Variants in TMEM269 observed in about 807,000 individuals in gnomAD.
TMEM269 encodes the protein transmembrane protein 269.
A neutral mutation model predicts 15.8 loss-of-function variants in TMEM269; 12 were observed. The ratio of observed to expected loss-of-function variants is 0.76; its 90% CI spans 0.49 to 1.23. The LOEUF is 1.23. Among genes scored for constraint, TMEM269 ranks in the 50% most tolerant of loss-of-function variants. The pLI, the probability that TMEM269 is intolerant of heterozygous loss-of-function variation, is 0.00. For synonymous variants in TMEM269, 93 were observed against 99.3 expected (o/e 0.94, Z 0.38); for missense variants, 211 against 245.4 (o/e 0.86, Z 0.94).
rs1474840457 is a variant in TMEM269, at chr1:42,789,827, C to G, written c.-67C>G. 1 of 1,549,372 alleles carries G rather than the reference C, an allele frequency of 6.5e-7. No homozygotes were observed. The highest frequency in any genetic ancestry group is 2.0e-5 in the Admixed American group (1 of 51,006). On this transcript the variant is annotated 5_prime_UTR_variant, in exon 2 of 6. Transcript: ENST00000637012. ...GTACCAGTTTCTTCCTGAGCCATGA[C>G]CAGAGCCATTCCCAGATAAATGAGG...
At chr1:42,791,142 C>T (rs994925046) in intron 2 of TMEM269, among the ~76,000 whole-genome samples, 3 of 152,208 alleles carry the variant, frequency 2.0e-5, no homozygotes, top group African/African-American at 7.2e-5. Flanking sequence ...AGTCTACTAT[C>T]AAGGTTGGAG....
At position 42,798,132 on chromosome 1, in the gene TMEM269, G is replaced by C; in HGVS notation, c.519G>C (p.Leu173=). Residue 173 remains leucine, a synonymous_variant, in exon 6 of 6, where the codon CTG becomes CTC. Coordinates refer to ENST00000637012, the MANE Select transcript of TMEM269 (RefSeq NM_001354602.2). ...TGCTGTTTTTCTCCCCATTGTCTCT[G>C]TCTGCTTTTTACTGCCTGATGTGGT... ...VIMLFFSPLS[L]SAFYCLMWSL... 1 of 1,551,008 alleles carries C rather than the reference G, an allele frequency of 6.4e-7. No individual in the cohort carries two copies. Among genetic ancestry groups the C allele is most frequent in the South Asian group, 1.2e-5 (1 of 84,056 alleles).
chr1:42,795,083 T>C (rs957533423), intron 5 of TMEM269, among the ~76,000 whole-genome samples: 2 of 152,178 alleles, frequency 1.3e-5, no homozygotes, highest in Non-Finnish European at 2.9e-5. Context: ...CAGGGTGCTC[T>C]GAGTGTCAGA....
chr1:42,793,486 G>A lies in TMEM269; in HGVS notation c.140-115G>A, dbSNP rs151131214. The A allele has an allele frequency of 7.7e-5, 82 of 1,058,642 alleles. No individual in the cohort carries two copies. In the East Asian group the frequency reaches 2.1e-3, roughly 27 times the overall value. 65.6% of individuals were successfully genotyped at this position (1,058,642 alleles called of 1,614,324 possible). A position where few individuals can be genotyped will look rare whatever the true frequency, so the allele number is the denominator to read the frequency against. On this transcript the variant is annotated intron_variant, in intron 3 of 5. Coordinates refer to ENST00000637012, the MANE Select transcript of TMEM269 (RefSeq NM_001354602.2). ...AGACTGCCCCAGGGGAGCAGCTGTT[G>A]CTTTCTGTGACCTCAGGACCCCTCT...
Position 42,799,582 on chromosome 1 carries a change from TTTAAG to T in TMEM269, c.*1360_*1364del, listed in dbSNP as rs1284817020. ...TCCCAGGACTTTATATCTCCTTCAG[TTTAAG>T]TTTTGTATTTTTGCTATCTGCCATA... On this transcript the variant is annotated 3_prime_UTR_variant, in exon 6 of 6. Transcript: ENST00000637012. 3 of 152,178 alleles carry T rather than the reference TTTAAG, an allele frequency of 2.0e-5. No individual in the cohort carries two copies. The highest frequency in any genetic ancestry group is 4.4e-5 in the Non-Finnish European group (3 of 68,014). The allele number at this position is 152,178 out of a possible 1,614,324, so 9.4% of individuals were successfully genotyped here. A position where few individuals can be genotyped will look rare whatever the true frequency, so the allele number is the denominator to read the frequency against.
At position 42,798,109 on chromosome 1, in the gene TMEM269, C is replaced by G. The variant is rs549821720; in HGVS notation, c.496C>G (p.Leu166Val). The G allele has an allele frequency of 1.3e-4, 208 of 1,551,156 alleles. No individual in the cohort carries two copies. The Admixed American group carries it at 1.4e-3, about 10-fold the overall frequency. The change falls in exon 6 of 6, where the codon CTG (leucine) becomes GTG (valine). Residue 166 changes from leucine to valine, a missense_variant. Transcript: ENST00000637012. ...TTTTGTTCTTCCAGGTGTCATCATGCTGTTTTTCTCCCCATTGTCTCTGTC... is the reference window on the plus strand; with the variant it reads ...TTTTGTTCTTCCAGGTGTCATCATGGTGTTTTTCTCCCCATTGTCTCTGTC... The part of the protein sequence containing the change: ...KLVYIGGVIM[L>V]FFSPLSLSAF...
In TMEM269 at chr1:42,793,725, C is replaced by T. The variant is rs867475671; in HGVS notation, c.264C>T (p.His88=). Reference sequence around the variant, plus strand: ...TCTATGTGTCAGCTGCTTCTTTCCACTTGTGCTTTTATTCACCTGGTGAGT... The same window carrying T: ...TCTATGTGTCAGCTGCTTCTTTCCATTTGTGCTTTTATTCACCTGGTGAGT... The part of the protein sequence containing the change: ...AIIYVSAASF[H]LCFYSPGVPS... Residue 88 remains histidine, a synonymous_variant, in exon 4 of 6, where the codon CAC becomes CAT. Transcript: ENST00000637012. 3 of 1,550,322 alleles carry T rather than the reference C, an allele frequency of 1.9e-6. No individual in the cohort carries two copies. Among genetic ancestry groups the T allele is most frequent in the Non-Finnish European group, 2.6e-6 (3 of 1,146,904 alleles).
At chr1:42,785,973 T>G (rs1653535878) in intron 1 of TMEM269, among the ~76,000 whole-genome samples, 2 of 152,098 alleles carry the variant, frequency 1.3e-5, no homozygotes, top group African/African-American at 2.4e-5. Flanking sequence ...GCTCTTGTTC[T>G]CCTCATCCCC....
rs76628977 is a variant in TMEM269, at chr1:42,788,241, G to C, written c.-98-1555G>C. On this transcript the variant is annotated intron_variant, in intron 1 of 5. Coordinates refer to ENST00000637012, the MANE Select transcript of TMEM269 (RefSeq NM_001354602.2). The surrounding 1 kb of genome is among the most constrained non-coding windows in gnomAD (Gnocchi z 4.0). Reference sequence around the variant, plus strand: ...CCAGATGGGCCTGGGGCTGAACAGAGGGGCTGGATGGAGGCAGAGCTGGAG... The same window carrying C: ...CCAGATGGGCCTGGGGCTGAACAGACGGGCTGGATGGAGGCAGAGCTGGAG... 3.6e-3 allele frequency among the ~76,000 whole-genome samples: 550 copies of C among 152,294 alleles called. 3 individuals are homozygous for C. Among genetic ancestry groups the C allele is most frequent in the African/African-American group, 0.013 (523 of 41,556 alleles).
At chr1:42,796,810 A>C (rs1357435561) in intron 5 of TMEM269, 1 of 151,928 alleles carries the variant, frequency 6.6e-6, no homozygotes, top group Non-Finnish European at 1.5e-5. Flanking sequence ...CATATCCTTA[A>C]CTGCTTATTA....
At chr1:42,795,979 G>A (rs1653785587) in intron 5 of TMEM269, among the ~76,000 whole-genome samples, 1 of 152,256 alleles carries the variant, frequency 6.6e-6, no homozygotes, top group South Asian at 2.1e-4. Flanking sequence ...GAAGCTTCTG[G>A]GTTTGGAAGC....
chr1:42,796,297 G>C (rs1441920845), intron 5 of TMEM269, among the ~76,000 whole-genome samples: 1 of 152,012 alleles, frequency 6.6e-6, no homozygotes, highest in African/African-American at 2.4e-5. Context: ...CACATACTTG[G>C]CCTCAGCCTT....
chr1:42,789,482 G>C, intron 1 of TMEM269: 1 of 1,535,554 alleles, frequency 6.5e-7, no homozygotes, highest in Admixed American at 2.0e-5. Flanking sequence ...GGGGCTTCAG[G>C]AGAGTCAGCA....
intron 3 of TMEM269, 92 bp from the exon 4 acceptor site, chr1:42,793,509 T>G: frequency 7.4e-7 from 1 of 1,348,352 alleles, no homozygotes; most frequent in South Asian, 1.5e-5. Context: ...TCAGGACCCC[T>G]CTTATCACTA....
In TMEM269 at chr1:42,794,682, C is replaced by T. The variant is rs143656712; in HGVS notation, c.484+69C>T. 9 of 1,063,270 alleles carry T rather than the reference C, an allele frequency of 8.5e-6. No homozygotes were observed. In the Admixed American group the frequency reaches 1.8e-4, roughly 21 times the overall value. The allele number at this position is 1,063,270 out of a possible 1,614,324, so 65.9% of individuals were successfully genotyped here. On this transcript the variant is annotated intron_variant, in intron 5 of 5. Coordinates refer to ENST00000637012, the MANE Select transcript of TMEM269 (RefSeq NM_001354602.2). The stretch of plus-strand genomic sequence containing the variant: ...TTATTGCCACTGTACCTCACCCCAG[C>T]ATTTTTCTATCTCTCTTATTCTGCT...
At chr1:42,791,170 C>G (rs2124215817) in intron 2 of TMEM269, among the ~76,000 whole-genome samples, 1 of 152,290 alleles carries the variant, frequency 6.6e-6, no homozygotes, top group East Asian at 1.9e-4. Flanking sequence ...CCCCCTCTAT[C>G]AGAAACTGAC....
Position 42,800,160 on chromosome 1 carries a change from C to T in TMEM269, c.*1935C>T, listed in dbSNP as rs146007067. The T allele has an allele frequency of 2.0e-5, 3 of 152,264 alleles. No individual in the cohort carries two copies. Among genetic ancestry groups the T allele is most frequent in the East Asian group, 1.9e-4 (1 of 5,184 alleles). 9.4% of individuals were successfully genotyped at this position (152,264 alleles called of 1,614,324 possible). A position where few individuals can be genotyped will look rare whatever the true frequency, so the allele number is the denominator to read the frequency against. On this transcript the variant is annotated 3_prime_UTR_variant, in exon 6 of 6. Transcript: ENST00000637012. ...ATGCCCATTTGGATGTGTAAATTAT[C>T]GCTTGATTGTAATGGCAATAATTCA...
intron 5 of TMEM269, chr1:42,796,540 T>A (rs967332001): frequency 1.1e-4 from 2 of 18,006 alleles, no homozygotes; most frequent in Non-Finnish European, 2.1e-4. Flanking sequence ...ATGAAATACT[T>A]TTTTTTTTTT....
Position 42,793,604 on chromosome 1 carries a change from C to G in TMEM269, c.143C>G (p.Ala48Gly), listed in dbSNP as rs892221525. The change falls in exon 4 of 6, where the codon GCC becomes GGC. Residue 48 changes from alanine to glycine, a missense_variant. Coordinates refer to ENST00000637012, the MANE Select transcript of TMEM269 (RefSeq NM_001354602.2). ...AACCTTGGGCCGTCTGGGGCAGGAGCCGAGCTGAATGACTTTGCCGTCTTC... is the reference window on the plus strand; with the variant it reads ...AACCTTGGGCCGTCTGGGGCAGGAGGCGAGCTGAATGACTTTGCCGTCTTC... Reference protein sequence around the residue: ...SHINICSKLGAELNDFAVFTT... With the variant: ...SHINICSKLGGELNDFAVFTT... 1 of 1,549,174 alleles carries G rather than the reference C, an allele frequency of 6.5e-7. No homozygotes were observed. Among genetic ancestry groups the G allele is most frequent in the Admixed American group, 2.0e-5 (1 of 50,838 alleles).
Sources: allele counts gnomAD v4.1 joint callset (sites outside exome capture counted in the v4.1 genomes callset), GRCh38; gene constraint gnomAD v4.1.1; non-coding constraint Gnocchi (gnomAD v3.1); transcripts MANE v1.5; gene names NCBI Gene and HGNC (gene_info 2026-07-23, HGNC 2026-07-21).